Variants in UVRAG observed in about 807,000 individuals in gnomAD.
UVRAG encodes the protein UV radiation resistance-associated gene protein.
UVRAG carries 19 observed loss-of-function variants against 78.0 expected under a neutral mutation model. The ratio of observed to expected loss-of-function variants is 0.24; its 90% CI spans 0.17 to 0.36. The LOEUF is 0.36. UVRAG is among the 10% of genes least tolerant of loss of function. The pLI, the probability that UVRAG is intolerant of heterozygous loss-of-function variation, is 1.00. For missense variants in UVRAG, 740 were observed against 853.8 expected (o/e 0.87, Z 1.66); for synonymous variants, 323 against 324.6 (o/e 1.00, Z 0.05).
chr11:76,140,145 CT>C (rs1212904577), intron 14 of UVRAG, among the ~76,000 whole-genome samples: 3 of 107,260 alleles, frequency 2.8e-5, no homozygotes, highest in East Asian at 3.1e-4. Context: ...CTCTCTCTCT[CT>C]CTCCCTCCCT....
At chr11:75,861,623 A>T (rs1175951961) in intron 2 of UVRAG, 123 bp from the exon 3 acceptor site, 4 of 648,664 alleles carry the variant, frequency 6.2e-6, no homozygotes, top group Non-Finnish European at 1.0e-5. Flanking sequence ...GAGAGAATAA[A>T]TCCCTTGAAA....
chr11:76,062,061 T>C (rs1225699401), intron 12 of UVRAG, among the ~76,000 whole-genome samples: 1 of 152,142 alleles, frequency 6.6e-6, no homozygotes, highest in Non-Finnish European at 1.5e-5. Flanking sequence ...CACACTCCTT[T>C]CTTTATCCTT....
chr11:75,999,571 G>A (rs1220218499), intron 8 of UVRAG, among the ~76,000 whole-genome samples: 1 of 151,886 alleles, frequency 6.6e-6, no homozygotes, highest in African/African-American at 2.4e-5. Flanking sequence ...AGTAGAGACG[G>A]GGTTTCACTA....
At chr11:76,033,370 C>G (rs1950472522) in intron 12 of UVRAG, among the ~76,000 whole-genome samples, 1 of 152,028 alleles carries the variant, frequency 6.6e-6, no homozygotes, top group Non-Finnish European at 1.5e-5. Context: ...ATAAATGAAC[C>G]TAGTAGTCAC....
chr11:75,916,504 T>G (rs1024311728), intron 6 of UVRAG: 4 of 152,250 alleles, frequency 2.6e-5, no homozygotes, highest in African/African-American at 7.2e-5. Flanking sequence ...CTAGCTTTTC[T>G]ACTTTTCAGC....
intron 6 of UVRAG, chr11:75,942,198 T>C (rs1197596049): frequency 2.0e-5 from 3 of 153,140 alleles, no homozygotes; most frequent in Non-Finnish European, 4.4e-5. Context: ...TCTAAGTTCT[T>C]GTGGAGTGTG....
intron 4 of UVRAG, 46 bp downstream of exon 4, chr11:75,880,086 A>T: frequency 1.2e-6 from 2 of 1,605,010 alleles, no homozygotes; most frequent in South Asian, 2.2e-5. Flanking sequence ...CTCCAAATTA[A>T]CGTGTCTAAC....
intron 3 of UVRAG, among the ~76,000 whole-genome samples, chr11:75,863,662 T>C (rs1946472311): frequency 6.6e-6 from 1 of 152,252 alleles, no homozygotes; most frequent in African/African-American, 2.4e-5. Context: ...GCTTTGGAGC[T>C]ATCTGTGAGG....
chr11:75,962,987 C>CTGCCT (rs1009468670), intron 7 of UVRAG, among the ~76,000 whole-genome samples: 6 of 152,128 alleles, frequency 3.9e-5, no homozygotes, highest in Admixed American at 1.3e-4. Flanking sequence ...TGTTTTTATG[C>CTGCCT]TGCCTAGTCA....
intron 12 of UVRAG, among the ~76,000 whole-genome samples, chr11:76,056,441 C>T (rs925491872): frequency 2.0e-5 from 3 of 152,186 alleles, no homozygotes; most frequent in Admixed American, 6.5e-5. Flanking sequence ...TTCCGTAGAG[C>T]GTAATGTACA....
intron 12 of UVRAG, among the ~76,000 whole-genome samples, chr11:76,043,065 G>C (rs1181947782): frequency 1.3e-5 from 2 of 152,156 alleles, no homozygotes; most frequent in Admixed American, 6.5e-5. Flanking sequence ...AATGGAGGAA[G>C]GGGGAGTCCC....
At chr11:76,010,065 A>G (rs1950022814) in intron 11 of UVRAG, among the ~76,000 whole-genome samples, 1 of 152,126 alleles carries the variant, frequency 6.6e-6, no homozygotes, top group Non-Finnish European at 1.5e-5. Flanking sequence ...TTTCCATTTC[A>G]TAGTGCTCCC....
intron 12 of UVRAG, among the ~76,000 whole-genome samples, chr11:76,041,628 A>T (rs1950649886): frequency 6.6e-6 from 1 of 152,234 alleles, no homozygotes. Flanking sequence ...TCTTTGGAAG[A>T]CAATGAAGTG....
chr11:75,877,366 A>C (rs1450977485), intron 3 of UVRAG, among the ~76,000 whole-genome samples: 3 of 151,996 alleles, frequency 2.0e-5, no homozygotes, highest in Non-Finnish European at 4.4e-5. Context: ...GCTGTTGGGC[A>C]CACCTCCCAG....
At chr11:76,042,712 G>A (rs116303706) in intron 12 of UVRAG, among the ~76,000 whole-genome samples, 1 of 152,158 alleles carries the variant, frequency 6.6e-6, no homozygotes, top group African/African-American at 2.4e-5. Flanking sequence ...CTTGGTCTGG[G>A]TGCTGGTTTC....
chr11:75,853,327 C>T (rs1421708710), intron 2 of UVRAG, among the ~76,000 whole-genome samples: 1 of 151,932 alleles, frequency 6.6e-6, no homozygotes, highest in African/African-American at 2.4e-5. Context: ...GTGAAGAAAC[C>T]CCTTCAGAGT....
intron 13 of UVRAG, among the ~76,000 whole-genome samples, chr11:76,073,512 TA>T (rs944677141): frequency 7.9e-5 from 12 of 152,202 alleles, no homozygotes; most frequent in African/African-American, 2.9e-4. Context: ...GCCCAATCCT[TA>T]AGGATTTTTT....
At chr11:76,118,853 G>A (rs909166872) in intron 14 of UVRAG, among the ~76,000 whole-genome samples, 1 of 152,080 alleles carries the variant, frequency 6.6e-6, no homozygotes, top group Admixed American at 6.6e-5. Context: ...AATAAATTGA[G>A]GATCTTTACC....
At chr11:76,002,924 A>G (rs1949845319) in intron 8 of UVRAG, among the ~76,000 whole-genome samples, 1 of 152,100 alleles carries the variant, frequency 6.6e-6, no homozygotes, top group Non-Finnish European at 1.5e-5. Context: ...AAAAAATACA[A>G]AAATTAGTTG....
Sources: gnomAD v4.1 joint callset for allele counts (sites outside exome capture counted in the v4.1 genomes callset) on GRCh38, gnomAD v4.1.1 for gene constraint, MANE v1.5 for transcripts, NCBI Gene and HGNC (gene_info 2026-07-23, HGNC 2026-07-21) for gene names.